EYS: variants seen among roughly 807,000 people sequenced by gnomAD.
The protein encoded by EYS is EGF-like photoreceptor maintenance factor.
Under a neutral mutation model 282.1 loss-of-function variants are expected in EYS, and 250 were observed. That is an observed-to-expected ratio of 0.89 (90% CI 0.80 to 0.98). The LOEUF is 0.98. Ranked by LOEUF, EYS falls within the 50% of genes least tolerant of loss-of-function variation. EYS has a pLI of 0.00. For missense variants in EYS, 4,016 were observed against 3,709.0 expected, an observed-to-expected ratio of 1.08 and a Z score of -2.15; for synonymous variants, 1,355 against 1,282.9, an observed-to-expected ratio of 1.06 and a Z score of -1.20.
At chr6:64,511,242 T>TGTATC (rs376571480) in intron 26 of EYS, among the ~76,000 whole-genome samples, 8 of 138,396 alleles carry the variant, frequency 5.8e-5, no homozygotes, top group Non-Finnish European at 1.0e-4. Flanking sequence ...ATATATCATA[T>TGTATC]ATATATATGA....
At chr6:64,252,077 C>T (rs1767235436) in intron 30 of EYS, among the ~76,000 whole-genome samples, 1 of 152,024 alleles carries the variant, frequency 6.6e-6, no homozygotes, top group Non-Finnish European at 1.5e-5. Context: ...ATGGAATTGT[C>T]ATTTGAATAT....
intron 32 of EYS, among the ~76,000 whole-genome samples, chr6:64,068,370 T>A (rs1414238657): frequency 6.6e-6 from 1 of 152,094 alleles, no homozygotes; most frequent in Admixed American, 6.6e-5. Flanking sequence ...TGTAAATATC[T>A]TCTTCAGTTC....
At chr6:65,657,475 G>A (rs1371321631) in intron 1 of EYS, among the ~76,000 whole-genome samples, 1 of 151,788 alleles carries the variant, frequency 6.6e-6, no homozygotes, top group Non-Finnish European at 1.5e-5. Context: ...ATGACATTGA[G>A]GACCCAAGAT....
chr6:64,351,721 A>T (rs1771648293), intron 29 of EYS, among the ~76,000 whole-genome samples: 1 of 151,650 alleles, frequency 6.6e-6, no homozygotes, highest in Admixed American at 6.6e-5. Flanking sequence ...GTGATTGAGG[A>T]TTTCTAGGGG....
intron 31 of EYS, among the ~76,000 whole-genome samples, chr6:64,200,922 T>A (rs1765442513): frequency 6.6e-6 from 1 of 151,942 alleles, no homozygotes; most frequent in African/African-American, 2.4e-5. Context: ...GTCTTTTTAC[T>A]TTGTCCACTA....
intron 12 of EYS, among the ~76,000 whole-genome samples, chr6:65,294,695 A>G (rs1282279542): frequency 6.6e-6 from 1 of 151,920 alleles, no homozygotes; most frequent in Non-Finnish European, 1.5e-5. Context: ...TAATGGCATT[A>G]TGCAGAGTTA....
chr6:65,299,989 T>C (rs1283036733), intron 11 of EYS, among the ~76,000 whole-genome samples: 1 of 152,194 alleles, frequency 6.6e-6, no homozygotes, highest in Non-Finnish European at 1.5e-5. Flanking sequence ...TATAATTATG[T>C]GTTTAGTGAT....
intron 35 of EYS, among the ~76,000 whole-genome samples, chr6:63,973,121 G>A (rs1344562222): frequency 6.6e-6 from 1 of 151,982 alleles, no homozygotes; most frequent in African/African-American, 2.4e-5. Context: ...GATTCTTGAG[G>A]AATCGCCACA....
chr6:64,341,885 A>C (rs1224134431), intron 29 of EYS, among the ~76,000 whole-genome samples: 3 of 151,682 alleles, frequency 2.0e-5, no homozygotes, highest in Non-Finnish European at 4.4e-5. Flanking sequence ...GAAAAGCAAA[A>C]TGAATAAAAG....
At chr6:64,332,332 C>A (rs572187363) in intron 29 of EYS, among the ~76,000 whole-genome samples, 6 of 152,256 alleles carry the variant, frequency 3.9e-5, no homozygotes, top group African/African-American at 1.4e-4. Flanking sequence ...AAGGCAAATG[C>A]AAGCCTTAAG....
At chr6:64,389,747 T>C (rs1561965999) in intron 28 of EYS, among the ~76,000 whole-genome samples, 1 of 152,158 alleles carries the variant, frequency 6.6e-6, no homozygotes, top group Admixed American at 6.5e-5. Context: ...TTCAAAATAA[T>C]AGTACACATT....
intron 40 of EYS, among the ~76,000 whole-genome samples, chr6:63,767,197 C>T (rs865811605): frequency 2.0e-5 from 3 of 152,006 alleles, no homozygotes; most frequent in African/African-American, 7.2e-5. Flanking sequence ...ACTCTCACCA[C>T]TCCTATTCAA....
At chr6:64,024,245 TG>T (rs1769359911) in intron 33 of EYS, among the ~76,000 whole-genome samples, 1 of 152,126 alleles carries the variant, frequency 6.6e-6, no homozygotes, top group Non-Finnish European at 1.5e-5. Context: ...GCTAAGGGAT[TG>T]TAAATGCACC....
intron 31 of EYS, among the ~76,000 whole-genome samples, chr6:64,177,604 G>A (rs1220633210): frequency 6.6e-6 from 1 of 151,950 alleles, no homozygotes; most frequent in Admixed American, 6.6e-5. Flanking sequence ...ATAATTTTTG[G>A]TTATCCTCAT....
rs78317984 is a variant in EYS, at chr6:63,938,064, T to G, written c.7055+46319A>C. Among the ~76,000 whole-genome samples, 440 of 152,314 alleles carry G rather than the reference T, an allele frequency of 2.9e-3. 3 individuals are homozygous for G. Among genetic ancestry groups the G allele is most frequent in the African/African-American group, 0.01 (424 of 41,574 alleles). On this transcript the variant is annotated intron_variant, in intron 35 of 42. Transcript: ENST00000503581. ...TGACTGATAACTTTTTCACCTGCAC[T>G]TAGATTTGTAAATCAACTGGTTAAC...
intron 31 of EYS, among the ~76,000 whole-genome samples, chr6:64,182,951 G>T (rs138539134): frequency 1.1e-3 from 169 of 152,144 alleles, no homozygotes; most frequent in Non-Finnish European, 1.8e-3. Context: ...GTTTGGCTCT[G>T]TGTCCCCACC....
At chr6:63,771,640 G>A (rs1040288012) in intron 40 of EYS, among the ~76,000 whole-genome samples, 36 of 152,114 alleles carry the variant, frequency 2.4e-4, no homozygotes, top group African/African-American at 8.7e-4. Flanking sequence ...CAAGGGTCTG[G>A]TAGAAAGTAA....
chr6:63,755,325 T>C (rs1438453463), intron 41 of EYS, among the ~76,000 whole-genome samples: 3 of 152,222 alleles, frequency 2.0e-5, no homozygotes, highest in African/African-American at 7.2e-5. Context: ...AAGAAAGGGA[T>C]CCAGTTTCAG....
At chr6:65,626,074 T>G (rs770518384) in intron 2 of EYS, among the ~76,000 whole-genome samples, 2 of 152,168 alleles carry the variant, frequency 1.3e-5, no homozygotes, top group Admixed American at 6.5e-5. Context: ...CTGAAGCCTG[T>G]GTAGTGATGT....
Sources: gnomAD v4.1 joint callset for allele counts (sites outside exome capture counted in the v4.1 genomes callset) on GRCh38, gnomAD v4.1.1 for gene constraint, MANE v1.5 for transcripts, NCBI Gene and HGNC (gene_info 2026-07-23, HGNC 2026-07-21) for gene names.